RYR2: variants seen among roughly 807,000 people sequenced by gnomAD.
The protein encoded by RYR2 is ryanodine receptor 2, also known as cardiac muscle ryanodine receptor-calcium release channel.
In RYR2, 227 loss-of-function variants were observed where a neutral mutation model predicts 601.1. The observed-to-expected ratio is 0.38, with a 90% CI of 0.34 to 0.42. RYR2 has a LOEUF of 0.42. Among genes scored for constraint, RYR2 ranks in the 10% least tolerant of loss-of-function variants. The pLI, the probability that RYR2 is intolerant of heterozygous loss-of-function variation, is 1.00. For missense variants in RYR2, 4,646 were observed against 6,156.5 expected, an observed-to-expected ratio of 0.75 and a Z score of 8.21; for synonymous variants, 2,223 against 2,175.1, an observed-to-expected ratio of 1.02 and a Z score of -0.61.
chr1:237,444,286 T>C (rs527936397), intron 13 of RYR2, among the ~76,000 whole-genome samples: 1 of 152,298 alleles, frequency 6.6e-6, no homozygotes, highest in East Asian at 1.9e-4. Context: ...CTCTTTGCTG[T>C]TCTATTTTTA....
intron 25 of RYR2, among the ~76,000 whole-genome samples, chr1:237,535,626 A>G (rs1219660896): frequency 1.3e-5 from 2 of 152,148 alleles, no homozygotes; most frequent in Non-Finnish European, 2.9e-5. Flanking sequence ...ATCAAAGCCC[A>G]GATCAAGACA....
intron 8 of RYR2, among the ~76,000 whole-genome samples, chr1:237,381,330 G>C (rs1433204984): frequency 2.0e-5 from 3 of 146,924 alleles, no homozygotes; most frequent in African/African-American, 7.5e-5. Flanking sequence ...AGTTGGGAAA[G>C]AAACAGTGAA....
intron 2 of RYR2, among the ~76,000 whole-genome samples, chr1:237,320,226 T>C (rs1395036717): frequency 6.6e-6 from 1 of 152,108 alleles, no homozygotes. Flanking sequence ...CACTTGGTCA[T>C]GGGGGGAGGT....
intron 16 of RYR2, among the ~76,000 whole-genome samples, chr1:237,461,175 G>A (rs1392262681): frequency 1.3e-5 from 2 of 152,154 alleles, no homozygotes; most frequent in African/African-American, 2.4e-5. Flanking sequence ...TCCCCAGACT[G>A]CAAATTTTAT....
At chr1:237,461,741 A>T (rs1466417534) in intron 16 of RYR2, among the ~76,000 whole-genome samples, 1 of 152,034 alleles carries the variant, frequency 6.6e-6, no homozygotes, top group African/African-American at 2.4e-5. Flanking sequence ...AAAAAAAAAA[A>T]ACATTTATAT....
intron 48 of RYR2, among the ~76,000 whole-genome samples, chr1:237,647,830 C>A (rs1438779182): frequency 6.6e-6 from 1 of 152,118 alleles, no homozygotes; most frequent in Admixed American, 6.5e-5. Flanking sequence ...AATTAGGGAA[C>A]CTACGGAGTG....
intron 14 of RYR2, among the ~76,000 whole-genome samples, chr1:237,452,062 A>AAT (rs1218244604): frequency 1.8e-4 from 12 of 66,540 alleles, no homozygotes; most frequent in African/African-American, 5.9e-4. Flanking sequence ...TGGGGTGGGG[A>AAT]ATATATATAA....
intron 82 of RYR2, 112 bp from the exon 83 acceptor site, chr1:237,759,664 A>G (rs1022434113): frequency 5.4e-6 from 4 of 746,016 alleles, no homozygotes; most frequent in Non-Finnish European, 7.3e-6. Flanking sequence ...GTTTGTACGC[A>G]GTGAATATTT....
intron 1 of RYR2, among the ~76,000 whole-genome samples, chr1:237,191,744 A>G (rs1169568435): frequency 6.6e-6 from 1 of 152,210 alleles, no homozygotes; most frequent in African/African-American, 2.4e-5. Context: ...ATTATTTCTT[A>G]TTCTTGCTGA....
chr1:237,550,522 T>G (rs1367468165), intron 26 of RYR2, 22 bp from the exon 27 acceptor site: 2 of 1,605,182 alleles, frequency 1.2e-6, no homozygotes, highest in East Asian at 4.5e-5. Flanking sequence ...CTTTGACGGC[T>G]GCACCCTGTG....
chr1:237,047,563 C>CTT (rs1238912661), intron 1 of RYR2, among the ~76,000 whole-genome samples: 10 of 152,082 alleles, frequency 6.6e-5, no homozygotes, highest in African/African-American at 2.4e-4. Flanking sequence ...ATGTAATTAT[C>CTT]TAGCTTCTCT....
At chr1:237,775,548 G>T (rs74149922) in intron 87 of RYR2, among the ~76,000 whole-genome samples, 76 of 152,092 alleles carry the variant, frequency 5.0e-4, no homozygotes, top group African/African-American at 1.6e-3. Flanking sequence ...ACAGCATTGC[G>T]TATTGCTTTA....
At chr1:237,101,847 A>G (rs971454852) in intron 1 of RYR2, among the ~76,000 whole-genome samples, 5 of 152,100 alleles carry the variant, frequency 3.3e-5, no homozygotes, top group African/African-American at 7.2e-5. Context: ...GCCACTTACT[A>G]TTTATTAAGT....
intron 1 of RYR2, among the ~76,000 whole-genome samples, chr1:237,151,066 A>C (rs1674657395): frequency 6.6e-6 from 1 of 152,188 alleles, no homozygotes; most frequent in Non-Finnish European, 1.5e-5. Context: ...TCTAGATTTT[A>C]AATTTATGAT....
At chr1:237,559,575 GT>G (rs576259213) in intron 27 of RYR2, among the ~76,000 whole-genome samples, 97 of 152,198 alleles carry the variant, frequency 6.4e-4, no homozygotes, top group African/African-American at 2.3e-3. Flanking sequence ...ATTACACATG[GT>G]TTTATTTAGT....
intron 1 of RYR2, among the ~76,000 whole-genome samples, chr1:237,214,374 G>A (rs1400715038): frequency 1.3e-5 from 2 of 152,268 alleles, no homozygotes; most frequent in East Asian, 1.9e-4. Flanking sequence ...TGTACAAGGG[G>A]CATGACACCA....
At chr1:237,103,005 T>C (rs1166752214) in intron 1 of RYR2, among the ~76,000 whole-genome samples, 1 of 152,220 alleles carries the variant, frequency 6.6e-6, no homozygotes, top group Non-Finnish European at 1.5e-5. Flanking sequence ...TTTCATCTTA[T>C]GAAACAGAAA....
In RYR2 at chr1:237,714,990, T is replaced by TTAAAAA. The variant is rs1558274627; in HGVS notation, c.10324-2208_10324-2207insTAAAAA. Among the ~76,000 whole-genome samples, 3 of 89,400 alleles carry TTAAAAA rather than the reference T, an allele frequency of 3.4e-5. 1 individual carries two copies. 58.6% of individuals were successfully genotyped at this position (89,400 alleles called of 152,430 possible). A position where few individuals can be genotyped will look rare whatever the true frequency, so the allele number is the denominator to read the frequency against. ...CCTGGTGACAGAGCGAGACTCCATC[T>TTAAAAA]CAAAAAAAAAAAAAAAAAAAAAAAA... On this transcript the variant is annotated intron_variant, in intron 71 of 104. Transcript: ENST00000366574.
At chr1:237,410,008 G>A (rs1336865330) in intron 10 of RYR2, among the ~76,000 whole-genome samples, 2 of 152,074 alleles carry the variant, frequency 1.3e-5, no homozygotes, top group East Asian at 3.8e-4. Flanking sequence ...AGAATGTTAT[G>A]TATTCAGAAA....
Sources: allele counts gnomAD v4.1 joint callset (sites outside exome capture counted in the v4.1 genomes callset), GRCh38; gene constraint gnomAD v4.1.1; transcripts MANE v1.5; gene names NCBI Gene and HGNC (gene_info 2026-07-23, HGNC 2026-07-21).